Variants in PDE6B observed in about 807,000 individuals in gnomAD.
PDE6B encodes phosphodiesterase 6B.
Under a neutral mutation model 109.0 loss-of-function variants are expected in PDE6B, and 106 were observed. The ratio of observed to expected loss-of-function variants is 0.97; its 90% CI spans 0.83 to 1.14. The LOEUF (loss-of-function observed/expected upper bound fraction) is 1.14. PDE6B is among the 50% of genes most tolerant of loss of function. PDE6B has a pLI of 0.00. For synonymous variants in PDE6B, 490 were observed against 471.3 expected (o/e 1.04, Z -0.51); for missense variants, 1,193 against 1,155.6 (o/e 1.03, Z -0.47).
chr4:663,911 G>A lies in PDE6B; in HGVS notation c.2021+41G>A. ...GAGGGGGCGCCTCGCGGGGCGGGCGGGTAGCCTGGGACCCCCGGCAGACAC... is the reference window on the plus strand; with the variant it reads ...GAGGGGGCGCCTCGCGGGGCGGGCGAGTAGCCTGGGACCCCCGGCAGACAC... On this transcript the variant is annotated intron_variant, in intron 16 of 21. Transcript: ENST00000496514. This position sits in a 1 kb window ranked among gnomAD's most constrained non-coding sequence, Gnocchi z 4.0. The A allele has an allele frequency of 6.8e-7, 1 of 1,461,392 alleles. No homozygotes were observed. Among genetic ancestry groups the A allele is most frequent in the Non-Finnish European group, 9.5e-7 (1 of 1,057,900 alleles). 90.5% of individuals were successfully genotyped at this position (1,461,392 alleles called of 1,614,324 possible).
At chr4:645,313 T>TTG in intron 3 of PDE6B, among the ~76,000 whole-genome samples, 1 of 134,152 alleles carries the variant, frequency 7.5e-6, no homozygotes, top group African/African-American at 2.9e-5. Flanking sequence ...TTTTTTTTTT[T>TTG]GAGACGGAGT....
intron 5 of PDE6B, 89 bp from the exon 6 acceptor site, chr4:654,735 G>A: frequency 1.2e-6 from 1 of 813,652 alleles, no homozygotes; most frequent in Non-Finnish European, 2.2e-6. Flanking sequence ...GCGTGTGGCT[G>A]TGTGTAGCTG....
intron 11 of PDE6B, among the ~76,000 whole-genome samples, chr4:659,640 A>G (rs1736815621): frequency 6.8e-6 from 1 of 146,230 alleles, no homozygotes; most frequent in African/African-American, 2.5e-5. Flanking sequence ...ATGTGTACAC[A>G]TGTGTGTGCA....
At chr4:629,014 T>C (rs1171514112) in intron 1 of PDE6B, among the ~76,000 whole-genome samples, 1 of 152,158 alleles carries the variant, frequency 6.6e-6, no homozygotes, top group East Asian at 1.9e-4. Flanking sequence ...CCTAAAACCT[T>C]GGGCTCAGGA....
intron 3 of PDE6B, among the ~76,000 whole-genome samples, chr4:639,426 G>A (rs1173129803): frequency 6.6e-6 from 1 of 152,200 alleles, no homozygotes; most frequent in Non-Finnish European, 1.5e-5. Context: ...GGCAAGTCAG[G>A]CAGAGCAGGG....
At chr4:644,749 C>T (rs978645951) in intron 3 of PDE6B, among the ~76,000 whole-genome samples, 2 of 151,942 alleles carry the variant, frequency 1.3e-5, no homozygotes, top group Non-Finnish European at 2.9e-5. Flanking sequence ...AGGTTGGTCT[C>T]GAACTCCCAG....
At chr4:639,348 C>A (rs1734841301) in intron 3 of PDE6B, among the ~76,000 whole-genome samples, 1 of 151,884 alleles carries the variant, frequency 6.6e-6, no homozygotes, top group Admixed American at 6.6e-5. Flanking sequence ...TGCTGTGTTG[C>A]CCAGGATGGC....
intron 3 of PDE6B, among the ~76,000 whole-genome samples, chr4:642,713 C>T (rs1211206351): frequency 3.3e-5 from 3 of 91,742 alleles, no homozygotes; most frequent in Non-Finnish European, 5.6e-5. Context: ...ACCTGGACAA[C>T]AGACACTGTC....
chr4:664,566 C>A (rs1737559685), intron 17 of PDE6B, among the ~76,000 whole-genome samples: 1 of 152,150 alleles, frequency 6.6e-6, no homozygotes, highest in African/African-American at 2.4e-5. Context: ...CACATAAACC[C>A]AGCACTTGGG....
rs549428490 is a variant in PDE6B at position 640,102 on chromosome 4, T to C, written c.711+4133T>C. 1.1e-4 allele frequency among the ~76,000 whole-genome samples: 16 copies of C among 152,298 alleles called. No homozygotes were observed. The East Asian group carries it at 2.9e-3, about 28-fold the overall frequency. The stretch of plus-strand genomic sequence containing the variant: ...GGGAGAATCACTTGAGGCCAGGAAT[T>C]TGAGATCAGCCTGGTCAATATAGTG... On this transcript the variant is annotated intron_variant, in intron 3 of 21. Coordinates refer to ENST00000496514, the MANE Select transcript of PDE6B (RefSeq NM_000283.4).
At chr4:635,174 C>T (rs868459472) in intron 2 of PDE6B, among the ~76,000 whole-genome samples, 1 of 118,620 alleles carries the variant, frequency 8.4e-6, no homozygotes, top group Non-Finnish European at 1.7e-5. Flanking sequence ...CTGTGCTGCG[C>T]GTCCACCTCC....
chr4:638,211 A>G (rs1219182659), intron 3 of PDE6B, among the ~76,000 whole-genome samples: 1 of 152,166 alleles, frequency 6.6e-6, no homozygotes, highest in Non-Finnish European at 1.5e-5. Context: ...ACGTCTATTC[A>G]TTTACATATT....
At chr4:645,445 G>T (rs1221374179) in intron 3 of PDE6B, among the ~76,000 whole-genome samples, 1 of 151,650 alleles carries the variant, frequency 6.6e-6, no homozygotes, top group South Asian at 2.1e-4. Context: ...ACAGGCGCCC[G>T]CCACCACGCC....
rs1311075797 is a variant in PDE6B, at chr4:663,941, GCGCAGCGGCGGCACAGCCCGGGGGA to G, written c.2021+78_2021+102del. On this transcript the variant is annotated intron_variant, in intron 16 of 21. Transcript: ENST00000496514. The surrounding 1 kb of genome is among the most constrained non-coding windows in gnomAD (Gnocchi z 4.0). Reference sequence around the variant, plus strand: ...CCTGGGACCCCCGGCAGACACGGGGGCGCAGCGGCGGCACAGCCCGGGGGACGCAGCCCCGGATTCCGTCCCTGCC... The same window carrying G: ...CCTGGGACCCCCGGCAGACACGGGGGCGCAGCCCCGGATTCCGTCCCTGCC... The G allele has an allele frequency of 1.8e-5, 22 of 1,219,932 alleles. No individual in the cohort carries two copies. Among genetic ancestry groups the G allele is most frequent in the Middle Eastern group, 1.9e-4 (1 of 5,254 alleles). The allele number at this position is 1,219,932 out of a possible 1,614,324, so 75.6% of individuals were successfully genotyped here. A position where few individuals can be genotyped will look rare whatever the true frequency, so the allele number is the denominator to read the frequency against.
chr4:653,550 G>A (rs781271798), intron 3 of PDE6B: 7 of 517,414 alleles, frequency 1.4e-5, no homozygotes, highest in Non-Finnish European at 2.4e-5. Context: ...AGGGCTGGTC[G>A]GATGTTTGCC....
chr4:660,646 C>T (rs911929883), intron 12 of PDE6B, 33 bp downstream of exon 12: 1 of 1,604,628 alleles, frequency 6.2e-7, no homozygotes, highest in African/African-American at 1.3e-5. Context: ...TAGTCAGGTC[C>T]CTGAGGCCGC....
At chr4:664,703 C>T (rs1307463651) in intron 17 of PDE6B, among the ~76,000 whole-genome samples, 178 bp from the exon 18 acceptor site, 6 of 152,194 alleles carry the variant, frequency 3.9e-5, no homozygotes, top group Non-Finnish European at 8.8e-5. Context: ...GTAATCCCAG[C>T]TACTCGGGAG....
Position 657,471 on chromosome 4 carries a change from A to G in PDE6B, c.1378A>G (p.Arg460Gly), listed in dbSNP as rs1196779925. 4 of 1,613,268 alleles carry G rather than the reference A, an allele frequency of 2.5e-6. No homozygotes were observed. Among genetic ancestry groups the G allele is most frequent in the Non-Finnish European group, 2.5e-6 (3 of 1,179,848 alleles). The change falls in exon 10 of 22, where the codon AGG becomes GGG. Residue 460 changes from arginine to glycine, a missense_variant. Coordinates refer to ENST00000496514, the MANE Select transcript of PDE6B (RefSeq NM_000283.4). ...DMVLYHVKCDRDEIQLILPTR... is the reference protein window; with the variant it reads ...DMVLYHVKCDGDEIQLILPTR... The stretch of plus-strand genomic sequence containing the variant: ...GGTCCTTTACCACGTGAAGTGCGAC[A>G]GGGACGAGATCCAGCTCATCCTGGT...
At chr4:628,157 AGCAAATCTTCATGAAGT>A (rs1471442035) in intron 1 of PDE6B, among the ~76,000 whole-genome samples, 6 of 144,718 alleles carry the variant, frequency 4.1e-5, no homozygotes, top group East Asian at 1.9e-4. Flanking sequence ...CACCAAAAAA[AGCAAATCTTCATGAAGT>A]GCAAATCCTC....
Sources: allele counts gnomAD v4.1 joint callset (sites outside exome capture counted in the v4.1 genomes callset), GRCh38; gene constraint gnomAD v4.1.1; non-coding constraint Gnocchi (gnomAD v3.1); transcripts MANE v1.5; gene names NCBI Gene and HGNC (gene_info 2026-07-23, HGNC 2026-07-21).